FBN1: variants seen among roughly 807,000 people sequenced by gnomAD.
FBN1 encodes fibrillin-1.
FBN1 carries 29 observed loss-of-function variants against 365.1 expected under a neutral mutation model. That is an observed-to-expected ratio of 0.08 (90% CI 0.06 to 0.11). FBN1 has a LOEUF of 0.11. Among genes scored for constraint, FBN1 ranks in the 10% least tolerant of loss-of-function variants. The pLI is 1.00. For missense variants in FBN1, 2,476 were observed against 3,703.2 expected (o/e 0.67, Z 8.60); for synonymous variants, 1,210 against 1,270.5 (o/e 0.95, Z 1.01).
chr15:48,566,914 T>C (rs1413816338), intron 6 of FBN1, among the ~76,000 whole-genome samples: 3 of 152,224 alleles, frequency 2.0e-5, no homozygotes, highest in African/African-American at 7.2e-5. Flanking sequence ...CTGCATTGTT[T>C]TTCATAGCCT....
chr15:48,611,826 T>C (rs1277083470), intron 3 of FBN1, among the ~76,000 whole-genome samples: 2 of 152,262 alleles, frequency 1.3e-5, no homozygotes, highest in Non-Finnish European at 2.9e-5. Context: ...CTTTTCGTCA[T>C]GACAGGCATG....
At chr15:48,499,248 A>G (rs1001943528) in intron 17 of FBN1, among the ~76,000 whole-genome samples, 1 of 152,236 alleles carries the variant, frequency 6.6e-6, no homozygotes, top group Non-Finnish European at 1.5e-5. Context: ...TTTTAAGGAT[A>G]CAGGCAAGTT....
At chr15:48,414,271 T>C (rs1297248766) in intron 64 of FBN1, among the ~76,000 whole-genome samples, 1 of 152,220 alleles carries the variant, frequency 6.6e-6, no homozygotes, top group African/African-American at 2.4e-5. Context: ...GCTGGCATTC[T>C]GTGTGCTTCC....
intron 24 of FBN1, among the ~76,000 whole-genome samples, chr15:48,491,349 C>A (rs1230998111): frequency 6.7e-6 from 1 of 150,254 alleles, no homozygotes; most frequent in Non-Finnish European, 1.5e-5. Flanking sequence ...TTTTCTTTTT[C>A]TTTTCTTTTT....
chr15:48,460,666 A>C (rs1202151121), intron 42 of FBN1, among the ~76,000 whole-genome samples: 4 of 152,124 alleles, frequency 2.6e-5, no homozygotes, highest in African/African-American at 9.7e-5. Context: ...TCTACTCTGC[A>C]TTTAGAGATC....
chr15:48,408,580 AG>A lies in FBN1; in HGVS notation c.*2409del, dbSNP rs2042836374. The A allele has an allele frequency of 6.5e-6, 1 of 152,686 alleles. No individual in the cohort carries two copies. The highest frequency in any genetic ancestry group is 2.1e-4 in the South Asian group (1 of 4,838). The allele number at this position is 152,686 out of a possible 1,614,324, so 9.5% of individuals were successfully genotyped here. A position where few individuals can be genotyped will look rare whatever the true frequency, so the allele number is the denominator to read the frequency against. ...TTTCAAGCTTCTGAGAGATTTACAAAGCCAAGTTCTTCAACTATTGAAAGTG... is the reference window on the plus strand; with the variant it reads ...TTTCAAGCTTCTGAGAGATTTACAAACCAAGTTCTTCAACTATTGAAAGTG... On this transcript the variant is annotated 3_prime_UTR_variant, in exon 66 of 66. Coordinates refer to ENST00000316623, the MANE Select transcript of FBN1 (RefSeq NM_000138.5).
chr15:48,592,311 T>C (rs2044483898), intron 6 of FBN1, among the ~76,000 whole-genome samples: 1 of 152,178 alleles, frequency 6.6e-6, no homozygotes, highest in African/African-American at 2.4e-5. Flanking sequence ...TTTTCTCTTT[T>C]GACATGACCC....
chr15:48,516,949 T>C (rs963666309), intron 10 of FBN1, among the ~76,000 whole-genome samples: 4 of 152,042 alleles, frequency 2.6e-5, no homozygotes, highest in South Asian at 2.1e-4. Context: ...TAGAGATAAA[T>C]GTGTAGTGTT....
At chr15:48,471,626 A>G (rs961308076) in intron 35 of FBN1, among the ~76,000 whole-genome samples, 4 of 152,234 alleles carry the variant, frequency 2.6e-5, no homozygotes, top group African/African-American at 4.8e-5. Flanking sequence ...TTCCATAACA[A>G]AGAAAAGTAT....
At chr15:48,455,768 TAAC>T (rs1242578650) in intron 44 of FBN1, among the ~76,000 whole-genome samples, 6 of 152,240 alleles carry the variant, frequency 3.9e-5, no homozygotes, top group Admixed American at 2.6e-4. Flanking sequence ...GACAGGAACT[TAAC>T]AAGTATGTGG....
Position 48,411,053 on chromosome 15 carries a change from T to G in FBN1, c.8553A>C (p.Lys2851Asn). 6.2e-7 allele frequency: 1 copy of G among 1,613,900 alleles called. No homozygotes were observed. The change falls in exon 66 of 66, where the codon AAA becomes AAC. Residue 2851 changes from lysine to asparagine, a missense_variant. Coordinates refer to ENST00000316623, the MANE Select transcript of FBN1 (RefSeq NM_000138.5). ...CACCCAGTTCACCACTGAGGTAGTC[T>G]TTGTCATATTTGTCTTCTAGTTGGT... ...ELNQLEDKYD[K>N]DYLSGELGDN...
Position 48,524,369 on chromosome 15 carries a change from G to A in FBN1, c.988+1761C>T, listed in dbSNP as rs544651689. ...TCTACATAGGAGGTTTTCTATTGGTGAGACCTACTCATTCCAAACAACTGT... is the reference window on the plus strand; with the variant it reads ...TCTACATAGGAGGTTTTCTATTGGTAAGACCTACTCATTCCAAACAACTGT... On this transcript the variant is annotated intron_variant, in intron 9 of 65. Coordinates refer to ENST00000316623, the MANE Select transcript of FBN1 (RefSeq NM_000138.5). 2.8e-3 allele frequency among the ~76,000 whole-genome samples: 431 copies of A among 152,290 alleles called. 2 individuals are homozygous for A. Among genetic ancestry groups the A allele is most frequent in the African/African-American group, 0.01 (421 of 41,532 alleles).
In FBN1 at chr15:48,644,762, C is replaced by G. The variant is rs149929989; in HGVS notation, c.8G>C (p.Arg3Pro). ...CAGGGCGATCTCCAGCAGACGCCCT[C>G]GACGCATGATGCCGAGCCGCCACCG... MR[R>P]GRLLEIALGF... The change falls in exon 2 of 66, where the codon CGA becomes CCA. Residue 3 changes from arginine to proline, a missense_variant. By Grantham distance (103) the Arg-to-Pro change is moderately radical (BLOSUM62 -2). Coordinates refer to ENST00000316623, the MANE Select transcript of FBN1 (RefSeq NM_000138.5). 11 of 1,610,522 alleles carry G rather than the reference C, an allele frequency of 6.8e-6. No homozygotes were observed. Among genetic ancestry groups the G allele is most frequent in the Non-Finnish European group, 9.3e-6 (11 of 1,179,888 alleles).
intron 6 of FBN1, among the ~76,000 whole-genome samples, chr15:48,552,413 C>G (rs937973895): frequency 6.6e-6 from 1 of 151,930 alleles, no homozygotes; most frequent in African/African-American, 2.4e-5. Flanking sequence ...GCTGAGACTA[C>G]AGGCACATGT....
intron 26 of FBN1, 35 bp downstream of exon 26, chr15:48,488,333 T>C (rs1366316577): frequency 4.3e-6 from 7 of 1,614,180 alleles, no homozygotes; most frequent in Non-Finnish European, 5.9e-6. Flanking sequence ...TTAAAGGACG[T>C]CCCCTCTCCT....
chr15:48,424,624 T>C (rs2042965233), intron 60 of FBN1, among the ~76,000 whole-genome samples: 1 of 152,264 alleles, frequency 6.6e-6, no homozygotes, highest in African/African-American at 2.4e-5. Flanking sequence ...CAAAGTTTCA[T>C]GGCATGACAT....
At chr15:48,452,530 T>G in intron 45 of FBN1, 32 bp downstream of exon 45, 1 of 1,613,554 alleles carries the variant, frequency 6.2e-7, no homozygotes, top group East Asian at 2.2e-5. Context: ...AACTCTTGGG[T>G]AGGCATGTCC....
At chr15:48,607,617 G>T (rs1192197573) in intron 4 of FBN1, among the ~76,000 whole-genome samples, 1 of 151,802 alleles carries the variant, frequency 6.6e-6, no homozygotes, top group Non-Finnish European at 1.5e-5. Flanking sequence ...GCCTTCACCA[G>T]ACATGTAATC....
At chr15:48,571,927 A>T (rs956110334) in intron 6 of FBN1, among the ~76,000 whole-genome samples, 1 of 152,358 alleles carries the variant, frequency 6.6e-6, no homozygotes, top group South Asian at 2.1e-4. Flanking sequence ...CATATAATAC[A>T]AACTGAATTT....
Sources: allele counts gnomAD v4.1 joint callset (sites outside exome capture counted in the v4.1 genomes callset), GRCh38; gene constraint gnomAD v4.1.1; transcripts MANE v1.5; gene names NCBI Gene and HGNC (gene_info 2026-07-23, HGNC 2026-07-21).